Variants in EXOC4 observed in about 807,000 individuals in gnomAD.
EXOC4 encodes exocyst complex component 4.
Under a neutral mutation model 107.2 loss-of-function variants are expected in EXOC4, and 71 were observed. That is an observed-to-expected ratio of 0.66 (90% CI 0.55 to 0.81). The LOEUF is 0.81. Ranked by LOEUF, EXOC4 falls within the 30% of genes least tolerant of loss-of-function variation. The probability of loss-of-function intolerance (pLI) is 0.00; values close to 1 mark genes in which losing one functional copy is unlikely to be tolerated. For missense variants in EXOC4, 1,108 were observed against 1,189.6 expected, an observed-to-expected ratio of 0.93 and a Z score of 1.01; for synonymous variants, 456 against 441.2, an observed-to-expected ratio of 1.03 and a Z score of -0.42.
At chr7:134,060,700 G>T (rs1585362640) in intron 17 of EXOC4, among the ~76,000 whole-genome samples, 1 of 152,138 alleles carries the variant, frequency 6.6e-6, no homozygotes, top group Non-Finnish European at 1.5e-5. Flanking sequence ...AGGACACCTG[G>T]TAGCACCCTT....
chr7:133,678,666 A>G (rs1401289994), intron 10 of EXOC4, among the ~76,000 whole-genome samples: 2 of 151,112 alleles, frequency 1.3e-5, no homozygotes, highest in African/African-American at 4.9e-5. Flanking sequence ...GCTGGAGTAC[A>G]GTGGTATGAA....
chr7:133,588,883 A>AGTGT (rs35751574), intron 9 of EXOC4, among the ~76,000 whole-genome samples: 17 of 151,420 alleles, frequency 1.1e-4, no homozygotes, highest in African/African-American at 1.5e-4. Flanking sequence ...GTCTCAAAAA[A>AGTGT]GTGTGTGTGT....
At chr7:133,594,493 C>CTTTGTTTTTTTTT (rs1801618898) in intron 9 of EXOC4, among the ~76,000 whole-genome samples, 1 of 90,356 alleles carries the variant, frequency 1.1e-5, no homozygotes, top group African/African-American at 4.5e-5. Flanking sequence ...AAGCTTGAGT[C>CTTTGTTTTTTTTT]TTTTTTTTTT....
At chr7:133,803,941 A>G (rs1797009050) in intron 10 of EXOC4, among the ~76,000 whole-genome samples, 1 of 152,202 alleles carries the variant, frequency 6.6e-6, no homozygotes, top group Non-Finnish European at 1.5e-5. Flanking sequence ...CAGATGGCTT[A>G]AAATATTTAG....
intron 9 of EXOC4, among the ~76,000 whole-genome samples, chr7:133,495,023 G>C (rs1411198508): frequency 6.6e-6 from 1 of 152,128 alleles, no homozygotes; most frequent in African/African-American, 2.4e-5. Context: ...TGTAATCCCA[G>C]CACAGTGGGA....
chr7:133,857,077 A>T, intron 11 of EXOC4, among the ~76,000 whole-genome samples: 1 of 136,370 alleles, frequency 7.3e-6, no homozygotes, highest in Admixed American at 8.0e-5. Context: ...AGCCTGGGCA[A>T]CAGAGAGAGA....
At chr7:133,373,125 G>T (rs560875315) in intron 6 of EXOC4, among the ~76,000 whole-genome samples, 8 of 152,254 alleles carry the variant, frequency 5.3e-5, no homozygotes, top group Non-Finnish European at 1.2e-4. Flanking sequence ...TTAAGTTACT[G>T]ATCTGTATGA....
At chr7:133,762,592 A>G (rs1342337973) in intron 10 of EXOC4, among the ~76,000 whole-genome samples, 2 of 152,182 alleles carry the variant, frequency 1.3e-5, no homozygotes, top group African/African-American at 4.8e-5. Context: ...TTTTTGCACA[A>G]ATATGTTCAC....
intron 1 of EXOC4, among the ~76,000 whole-genome samples, chr7:133,256,403 A>C (rs1795020331): frequency 6.6e-6 from 1 of 152,224 alleles, no homozygotes; most frequent in East Asian, 1.9e-4. Context: ...ACAAGCCACA[A>C]AAAGGAAAAC....
intron 5 of EXOC4, among the ~76,000 whole-genome samples, chr7:133,326,954 A>G (rs1267016005): frequency 1.3e-5 from 2 of 152,158 alleles, no homozygotes; most frequent in Non-Finnish European, 2.9e-5. Context: ...GGTCAATCTC[A>G]GACTGCTGTG....
chr7:133,923,220 C>T (rs935587137), intron 13 of EXOC4, among the ~76,000 whole-genome samples: 2 of 149,434 alleles, frequency 1.3e-5, no homozygotes, highest in African/African-American at 2.5e-5. Context: ...CTGCCACCTT[C>T]TGGTTTCAAG....
intron 15 of EXOC4, 131 bp from the exon 16 acceptor site, chr7:134,004,781 G>A (rs1794604281): frequency 7.0e-6 from 5 of 713,570 alleles, no homozygotes; most frequent in Non-Finnish European, 9.1e-6. Flanking sequence ...CACAGTAAGT[G>A]TTGGCTATCA....
Position 134,017,662 on chromosome 7 carries a change from A to G in EXOC4, c.2687+9827A>G, listed in dbSNP as rs565789057. On this transcript the variant is annotated intron_variant, in intron 17 of 17. Coordinates refer to ENST00000253861, the MANE Select transcript of EXOC4 (RefSeq NM_021807.4). Reference sequence around the variant, plus strand: ...TTGATCTCTAATTAATCATTTAATTAGGACTCCTTGAATGCGGGTGAGCAT... The same window carrying G: ...TTGATCTCTAATTAATCATTTAATTGGGACTCCTTGAATGCGGGTGAGCAT... Among the ~76,000 whole-genome samples, 13 of 152,310 alleles carry G rather than the reference A, an allele frequency of 8.5e-5. 1 individual carries two copies. Among genetic ancestry groups the G allele is most frequent in the African/African-American group, 3.1e-4 (13 of 41,572 alleles).
intron 17 of EXOC4, among the ~76,000 whole-genome samples, chr7:134,057,023 G>A (rs140773800): frequency 3.3e-5 from 5 of 152,266 alleles, no homozygotes; most frequent in East Asian, 1.9e-4. Context: ...AACTTTCAGC[G>A]TCTCCCCAGG....
At position 133,885,999 on chromosome 7, in the gene EXOC4, G is replaced by A. The variant is rs191577254; in HGVS notation, c.1735-9600G>A. On this transcript the variant is annotated intron_variant, in intron 11 of 17. Coordinates refer to ENST00000253861, the MANE Select transcript of EXOC4 (RefSeq NM_021807.4). ...GGAAGGATCGAGAAGTAAGAGGCCT[G>A]TTCAAGCTCACCCTGTTCACAGTGG... is the stretch of plus-strand genomic sequence containing the variant. Among the ~76,000 whole-genome samples the A allele has an allele frequency of 4.6e-5, 7 of 152,288 alleles. No homozygotes were observed. The East Asian group carries it at 1.4e-3, about 29-fold the overall frequency.
chr7:133,941,930 T>G (rs998540605), intron 14 of EXOC4, among the ~76,000 whole-genome samples: 1 of 151,580 alleles, frequency 6.6e-6, no homozygotes, highest in African/African-American at 2.4e-5. Context: ...TGCTGGCTCT[T>G]TGTAATGCCT....
At chr7:133,714,256 C>G (rs1333844960) in intron 10 of EXOC4, among the ~76,000 whole-genome samples, 2 of 152,154 alleles carry the variant, frequency 1.3e-5, no homozygotes, top group African/African-American at 2.4e-5. Context: ...GTCCTGGAAC[C>G]CTCCCCACCT....
chr7:133,413,524 G>A (rs998904247), intron 7 of EXOC4, among the ~76,000 whole-genome samples: 3 of 152,084 alleles, frequency 2.0e-5, no homozygotes, highest in Non-Finnish European at 4.4e-5. Context: ...TGACTTTGGT[G>A]TCAAATTTAG....
At chr7:134,056,691 T>A (rs180935258) in intron 17 of EXOC4, among the ~76,000 whole-genome samples, 182 of 152,350 alleles carry the variant, frequency 1.2e-3, no homozygotes, top group African/African-American at 4.3e-3. Context: ...AATTATCTGA[T>A]GTAGCAGAGA....
Sources: allele counts gnomAD v4.1 joint callset (sites outside exome capture counted in the v4.1 genomes callset), GRCh38; gene constraint gnomAD v4.1.1; transcripts MANE v1.5; gene names NCBI Gene and HGNC (gene_info 2026-07-23, HGNC 2026-07-21).